NSMCE1: variants seen among roughly 807,000 people sequenced by gnomAD.
NSMCE1 encodes NSE1 component of SMC5/6 complex.
A neutral mutation model predicts 29.6 loss-of-function variants in NSMCE1; 18 were observed. The observed-to-expected ratio is 0.61, with a 90% CI of 0.42 to 0.90. NSMCE1 has a LOEUF of 0.90. Among genes scored for constraint, NSMCE1 ranks in the 40% least tolerant of loss-of-function variants. The pLI is 0.00. For missense variants in NSMCE1, 314 were observed against 343.6 expected, an observed-to-expected ratio of 0.91 and a Z score of 0.68; for synonymous variants, 124 against 133.4, an observed-to-expected ratio of 0.93 and a Z score of 0.49.
At chr16:27,247,371 C>T (rs1356627724) in intron 2 of NSMCE1, among the ~76,000 whole-genome samples, 1 of 152,224 alleles carries the variant, frequency 6.6e-6, no homozygotes, top group Non-Finnish European at 1.5e-5. Context: ...TCCCCTTCCA[C>T]CATGACTGTA....
intron 2 of NSMCE1, among the ~76,000 whole-genome samples, chr16:27,239,349 G>A (rs1308698395): frequency 1.3e-5 from 2 of 152,198 alleles, no homozygotes; most frequent in Non-Finnish European, 2.9e-5. Flanking sequence ...GAGCCCTGGT[G>A]GAGAAGCTAC....
chr16:27,226,614 AG>A, intron 6 of NSMCE1, 105 bp downstream of exon 6: 1 of 701,040 alleles, frequency 1.4e-6, no homozygotes, highest in East Asian at 2.7e-5. Context: ...ATGCGCCAGC[AG>A]TGCAGGAGGG....
intron 5 of NSMCE1, among the ~76,000 whole-genome samples, chr16:27,230,233 T>C (rs2083748527): frequency 6.6e-6 from 1 of 152,154 alleles, no homozygotes; most frequent in Admixed American, 6.5e-5. Flanking sequence ...CGGGCCAGTC[T>C]CACACAGGAC....
chr16:27,255,467 A>G (rs1210547144), intron 2 of NSMCE1, among the ~76,000 whole-genome samples: 1 of 152,150 alleles, frequency 6.6e-6, no homozygotes, highest in Non-Finnish European at 1.5e-5. Context: ...CTTCCCACAC[A>G]TCATATATTC....
chr16:27,252,768 A>T (rs2084048308), intron 2 of NSMCE1, among the ~76,000 whole-genome samples: 2 of 151,994 alleles, frequency 1.3e-5, no homozygotes, highest in Admixed American at 1.3e-4. Context: ...AAACCACAAA[A>T]ATTAGCCGGG....
At chr16:27,257,050 C>G (rs757773825) in intron 2 of NSMCE1, among the ~76,000 whole-genome samples, 3 of 152,170 alleles carry the variant, frequency 2.0e-5, no homozygotes, top group Non-Finnish European at 4.4e-5. Context: ...CCACTAGGCA[C>G]TGTCTCTGCG....
chr16:27,268,019 A>C (rs983949143), intron 1 of NSMCE1: 13 of 152,186 alleles, frequency 8.5e-5, no homozygotes, highest in African/African-American at 2.7e-4. Flanking sequence ...CTGGAATTAT[A>C]GCCGTGGGCC....
chr16:27,242,200 T>C (rs1478878808), intron 2 of NSMCE1, among the ~76,000 whole-genome samples: 1 of 152,208 alleles, frequency 6.6e-6, no homozygotes, highest in Admixed American at 6.5e-5. Context: ...TCAACAATCA[T>C]ATAACTTGAC....
chr16:27,228,823 C>T (rs1172139029), intron 5 of NSMCE1, among the ~76,000 whole-genome samples: 1 of 150,296 alleles, frequency 6.7e-6, no homozygotes, highest in Non-Finnish European at 1.5e-5. Context: ...AACCACCGCC[C>T]TCTTCCGCCC....
chr16:27,237,466 C>T (rs1396725037), intron 2 of NSMCE1, among the ~76,000 whole-genome samples: 1 of 152,240 alleles, frequency 6.6e-6, no homozygotes, highest in Non-Finnish European at 1.5e-5. Flanking sequence ...CGAGCTGTTC[C>T]GTACCTGCCT....
At chr16:27,251,913 C>T (rs1003339714) in intron 2 of NSMCE1, among the ~76,000 whole-genome samples, 1 of 152,206 alleles carries the variant, frequency 6.6e-6, no homozygotes, top group African/African-American at 2.4e-5. Context: ...CTCCGTCCTG[C>T]AACCTCTACC....
chr16:27,255,305 C>T (rs562407364), intron 2 of NSMCE1, among the ~76,000 whole-genome samples: 4 of 152,322 alleles, frequency 2.6e-5, no homozygotes, highest in Admixed American at 6.5e-5. Context: ...ACCTTCACCA[C>T]GGAGATGGTT....
chr16:27,253,731 C>G (rs1384843463), intron 2 of NSMCE1, among the ~76,000 whole-genome samples: 2 of 152,230 alleles, frequency 1.3e-5, no homozygotes, highest in Non-Finnish European at 1.5e-5. Context: ...GTCCCTAGCA[C>G]AGAGGCCTGG....
At chr16:27,228,368 G>A (rs1054443153) in intron 5 of NSMCE1, among the ~76,000 whole-genome samples, 1 of 152,068 alleles carries the variant, frequency 6.6e-6, no homozygotes, top group African/African-American at 2.4e-5. Flanking sequence ...TCCAAGTGCT[G>A]TGGGCAATGG....
At chr16:27,259,494 TAAGGGTCTTG>T (rs1428095346) in intron 1 of NSMCE1, among the ~76,000 whole-genome samples, 1 of 152,136 alleles carries the variant, frequency 6.6e-6, no homozygotes, top group Non-Finnish European at 1.5e-5. Context: ...CTCTACAAAC[TAAGGGTCTTG>T]AAGCAGGAAC....
At chr16:27,246,919 T>C (rs1328739075) in intron 2 of NSMCE1, among the ~76,000 whole-genome samples, 1 of 151,758 alleles carries the variant, frequency 6.6e-6, no homozygotes, top group African/African-American at 2.4e-5. Flanking sequence ...CCTGGTAGGA[T>C]GCAGAGAGAA....
At chr16:27,251,159 A>AATATATATATATATATATAT (rs1166070119) in intron 2 of NSMCE1, among the ~76,000 whole-genome samples, 36 of 65,722 alleles carry the variant, frequency 5.5e-4, no homozygotes, top group East Asian at 2.1e-3. Flanking sequence ...AATTATTTAA[A>AATATATATATATATATATAT]ATATATATAT....
At chr16:27,235,526 C>G (rs2083812272) in intron 2 of NSMCE1, among the ~76,000 whole-genome samples, 2 of 152,122 alleles carry the variant, frequency 1.3e-5, no homozygotes, top group South Asian at 4.1e-4. Flanking sequence ...GGCAGGAGGG[C>G]CAGGGAGATG....
At chr16:27,251,060 C>T (rs1220993217) in intron 2 of NSMCE1, among the ~76,000 whole-genome samples, 7 of 147,924 alleles carry the variant, frequency 4.7e-5, no homozygotes, top group East Asian at 2.0e-4. Context: ...AGGCTAGTCT[C>T]GAACTCCCGA....
Sources: gnomAD v4.1 joint callset for allele counts (sites outside exome capture counted in the v4.1 genomes callset) on GRCh38, gnomAD v4.1.1 for gene constraint, MANE v1.5 for transcripts, NCBI Gene and HGNC (gene_info 2026-07-23, HGNC 2026-07-21) for gene names.